Variants in RPSA observed in about 807,000 individuals in gnomAD.
RPSA encodes small ribosomal subunit protein uS2.
For missense variants in RPSA, 140 were observed against 372.8 expected (o/e 0.38, Z 5.14); for synonymous variants, 103 against 126.7 (o/e 0.81, Z 1.25).
In RPSA at chr3:39,412,519, C is replaced by A; in HGVS notation, c.*151C>A. 3.3e-6 allele frequency: 2 copies of A among 604,594 alleles called. No individual in the cohort carries two copies. The highest frequency in any genetic ancestry group is 2.0e-5 in the South Asian group (1 of 49,534). 37.5% of individuals were successfully genotyped at this position (604,594 alleles called of 1,614,324 possible). A position where few individuals can be genotyped will look rare whatever the true frequency, so the allele number is the denominator to read the frequency against. ...TCAAAGCATAATAATAAATACATGTCTCGACATGAGTTGTACTTCTAAAGC... is the reference window on the plus strand; with the variant it reads ...TCAAAGCATAATAATAAATACATGTATCGACATGAGTTGTACTTCTAAAGC... On this transcript the variant is annotated 3_prime_UTR_variant, in exon 7 of 7. Transcript: ENST00000301821.
chr3:39,410,507 T>C (rs374167262), intron 3 of RPSA: 1 of 516,020 alleles, frequency 1.9e-6, no homozygotes, highest in East Asian at 3.6e-5. Flanking sequence ...AAAAATATAC[T>C]GAGCATCTAG....
chr3:39,409,101 A>G (rs79217109), intron 3 of RPSA: 31,707 of 114,726 alleles, frequency 0.28, 4,056 homozygotes, highest in Non-Finnish European at 0.35. Context: ...AAAAAAAAAG[A>G]AAATAGAAAA....
At chr3:39,411,147 T>C in intron 4 of RPSA, 148 bp downstream of exon 4, 1 of 939,112 alleles carries the variant, frequency 1.1e-6, no homozygotes, top group Admixed American at 1.7e-5. Flanking sequence ...AAGTTTTCGC[T>C]AACACCACAA....
chr3:39,410,436 G>GA (rs1396566939), intron 3 of RPSA: 6 of 381,558 alleles, frequency 1.6e-5, no homozygotes, highest in Non-Finnish European at 3.0e-5. Flanking sequence ...GTACACAGTA[G>GA]AAAAAAGGCA....
chr3:39,409,027 G>T (rs1243460801), intron 3 of RPSA: 6 of 311,176 alleles, frequency 1.9e-5, no homozygotes, highest in Admixed American at 4.3e-5. Context: ...GGAGCTTGCA[G>T]TGAGCTGAGA....
At chr3:39,407,115 G>A (rs1025648964) in intron 1 of RPSA, 1 of 401,420 alleles carries the variant, frequency 2.5e-6, no homozygotes. Context: ...ATTTACACCA[G>A]CTACTTGGGC....
chr3:39,407,448 A>G (rs908245642), intron 1 of RPSA, among the ~76,000 whole-genome samples, 173 bp from the exon 2 acceptor site: 1 of 152,086 alleles, frequency 6.6e-6, no homozygotes, highest in African/African-American at 2.4e-5. Context: ...CCTCAGTAAG[A>G]TGTGCGCTGT....
Position 39,412,513 on chromosome 3 carries a change from A to G in RPSA, c.*145A>G. The G allele has an allele frequency of 1.7e-6, 1 of 605,592 alleles. No individual in the cohort carries two copies. 37.5% of individuals were successfully genotyped at this position (605,592 alleles called of 1,614,324 possible). On this transcript the variant is annotated 3_prime_UTR_variant, in exon 7 of 7. Transcript: ENST00000301821. The stretch of plus-strand genomic sequence containing the variant: ...TGCATATCAAAGCATAATAATAAAT[A>G]CATGTCTCGACATGAGTTGTACTTC...
Position 39,412,103 on chromosome 3 carries a change from A to G in RPSA, c.793+42A>G, listed in dbSNP as rs2276714. ...AGGTGAATCAAGCTGATATTTTGCA[A>G]CTTCTCAGTTTTATTCTAACTTTAA... On this transcript the variant is annotated intron_variant, in intron 6 of 6. Coordinates refer to ENST00000301821, the MANE Select transcript of RPSA (RefSeq NM_002295.6). 1.2e-3 allele frequency: 1,958 copies of G among 1,580,542 alleles called. 71 individuals are homozygous for G. In the East Asian group the frequency reaches 0.043, roughly 34 times the overall value.
intron 2 of RPSA, chr3:39,408,124 A>G (rs574388934): frequency 2.4e-5 from 9 of 370,978 alleles, no homozygotes; most frequent in Non-Finnish European, 4.6e-5. Flanking sequence ...AAGTGGGGTA[A>G]GAGGTGGGAA....
intron 3 of RPSA, 61 bp downstream of exon 3, chr3:39,408,785 CAT>C (rs34149164): frequency 2.1e-6 from 2 of 949,480 alleles, no homozygotes; most frequent in Non-Finnish European, 3.5e-6. Flanking sequence ...CATTGTGAGA[CAT>C]AGAAAGACAT....
chr3:39,408,865 G>C (rs2041959913), intron 3 of RPSA, 141 bp downstream of exon 3: 2 of 645,880 alleles, frequency 3.1e-6, no homozygotes. Flanking sequence ...TTGGGAGGTG[G>C]AGTCCGGCGT....
chr3:39,409,353 C>T (rs2041971286), intron 3 of RPSA, among the ~76,000 whole-genome samples: 1 of 152,066 alleles, frequency 6.6e-6, no homozygotes, highest in Admixed American at 6.6e-5. Context: ...AGGCATGTGC[C>T]ACCATGCCTG....
At chr3:39,408,345 C>A in intron 2 of RPSA, 1 of 658,570 alleles carries the variant, frequency 1.5e-6, no homozygotes, top group Non-Finnish European at 2.8e-6. Flanking sequence ...GGAATAAGTA[C>A]AGGGAAAGAG....
chr3:39,409,249 TGGACTGCA>T (rs760728576), intron 3 of RPSA, among the ~76,000 whole-genome samples: 55,855 of 144,316 alleles, frequency 0.39, 13,173 homozygotes, highest in East Asian at 0.59. Context: ...TTGTCCATCC[TGGACTGCA>T]GTGGTGTGAT....
chr3:39,408,761 A>G (rs1225860338), intron 3 of RPSA, 37 bp downstream of exon 3: 2 of 1,116,308 alleles, frequency 1.8e-6, no homozygotes, highest in East Asian at 4.7e-5. Flanking sequence ...TATTATAGAA[A>G]TAAAGCTTAC....
chr3:39,408,468 G>T (rs1559398782), intron 2 of RPSA, 138 bp from the exon 3 acceptor site: 1 of 778,266 alleles, frequency 1.3e-6, no homozygotes, highest in Non-Finnish European at 2.4e-6. Context: ...CTATATCAAT[G>T]GCAGGATTTT....
At chr3:39,408,459 T>C (rs772476262) in intron 2 of RPSA, 147 bp from the exon 3 acceptor site, 1 of 776,686 alleles carries the variant, frequency 1.3e-6, no homozygotes, top group Non-Finnish European at 2.4e-6. Context: ...GGAAGTGTGC[T>C]ATATCAATGG....
intron 2 of RPSA, chr3:39,408,369 A>G (rs759985171): frequency 9.8e-6 from 7 of 712,954 alleles, no homozygotes; most frequent in Non-Finnish European, 1.6e-5. Context: ...GGAAAGATGG[A>G]TTTAGCCAAC....
Sources: allele counts gnomAD v4.1 joint callset (sites outside exome capture counted in the v4.1 genomes callset), GRCh38; gene constraint gnomAD v4.1.1; transcripts MANE v1.5; gene names NCBI Gene and HGNC (gene_info 2026-07-23, HGNC 2026-07-21).